Variants in PRKG1 observed in about 807,000 individuals in gnomAD.
The protein encoded by PRKG1 is protein kinase cGMP-dependent 1.
Under a neutral mutation model 88.1 loss-of-function variants are expected in PRKG1, and 35 were observed. The ratio of observed to expected loss-of-function variants is 0.40; its 90% CI spans 0.30 to 0.53. The LOEUF is 0.53. Among genes scored for constraint, PRKG1 ranks in the 20% least tolerant of loss-of-function variants. PRKG1 has a pLI of 0.59. For synonymous variants in PRKG1, 303 were observed against 292.5 expected (o/e 1.04, Z -0.37); for missense variants, 540 against 839.8 (o/e 0.64, Z 4.41).
At chr10:51,306,340 A>G (rs1256730708) in intron 2 of PRKG1, among the ~76,000 whole-genome samples, 1 of 152,162 alleles carries the variant, frequency 6.6e-6, no homozygotes, top group Non-Finnish European at 1.5e-5. Context: ...TTCAAGAGTG[A>G]GATTTGGGCT....
Position 52,257,963 on chromosome 10 carries a change from A to G in PRKG1, c.1173+6297A>G, listed in dbSNP as rs1466931042. Among the ~76,000 whole-genome samples, 2 of 139,496 alleles carry G rather than the reference A, an allele frequency of 1.4e-5. 1 individual carries two copies. The highest frequency in any genetic ancestry group is 3.2e-5 in the Non-Finnish European group (2 of 61,830). The allele number at this position is 139,496 out of a possible 152,430, so 91.5% of individuals were successfully genotyped here. On this transcript the variant is annotated intron_variant, in intron 10 of 17. Coordinates refer to ENST00000373980, the MANE Select transcript of PRKG1 (RefSeq NM_006258.4). Reference sequence around the variant, plus strand: ...GCTTATCTCTACTTTGGTATATGCAAATAAAGTAAGATAAGCATTACTTCA... The same window carrying G: ...GCTTATCTCTACTTTGGTATATGCAGATAAAGTAAGATAAGCATTACTTCA...
chr10:51,259,898 CA>C (rs1321296464), intron 2 of PRKG1, among the ~76,000 whole-genome samples: 13 of 152,168 alleles, frequency 8.5e-5, no homozygotes, highest in Admixed American at 8.5e-4. Flanking sequence ...GCTATGTAGT[CA>C]CCCCTCCTAA....
chr10:51,231,735 C>T (rs1193656108), intron 2 of PRKG1, among the ~76,000 whole-genome samples: 1 of 150,516 alleles, frequency 6.6e-6, no homozygotes, highest in Non-Finnish European at 1.5e-5. Context: ...TTACCTACAA[C>T]ACTTCTAGAT....
chr10:52,008,305 T>G (rs920237801), intron 5 of PRKG1, among the ~76,000 whole-genome samples: 2 of 151,998 alleles, frequency 1.3e-5, no homozygotes, highest in African/African-American at 4.8e-5. Flanking sequence ...AATTGAAACG[T>G]GTAAAACCAC....
intron 3 of PRKG1, among the ~76,000 whole-genome samples, chr10:51,488,730 A>G (rs1840616725): frequency 6.6e-6 from 1 of 152,172 alleles, no homozygotes; most frequent in Non-Finnish European, 1.5e-5. Context: ...CAAACTAGAT[A>G]ATAAAACTAT....
At chr10:51,860,245 G>C (rs1304563000) in intron 4 of PRKG1, among the ~76,000 whole-genome samples, 1 of 152,102 alleles carries the variant, frequency 6.6e-6, no homozygotes, top group African/African-American at 2.4e-5. Flanking sequence ...CAAAGTTTGT[G>C]GCTTAAAGTA....
At position 51,876,389 on chromosome 10, in the gene PRKG1, G is replaced by A. The variant is rs150161299; in HGVS notation, c.699-31118G>A. The stretch of plus-strand genomic sequence containing the variant: ...ACAGAGGTAGCTGCTTAATCTACCT[G>A]TTTATAAAAGAAAAACCCTTGCTGT... On this transcript the variant is annotated intron_variant, in intron 4 of 17. Transcript: ENST00000373980. Among the ~76,000 whole-genome samples the A allele has an allele frequency of 3.9e-5, 6 of 152,304 alleles. No individual in the cohort carries two copies. The East Asian group carries it at 1.2e-3, about 29-fold the overall frequency.
In PRKG1 at chr10:51,347,028, G is replaced by A. The variant is rs913748655; in HGVS notation, c.479-120695G>A. Among the ~76,000 whole-genome samples, 3 of 152,196 alleles carry A rather than the reference G, an allele frequency of 2.0e-5. 1 individual carries two copies. ...ACCTGGGATGCTTCCCTCTCACCTC[G>A]TGGCCTCAGCATCCTGAGTCTGGTT... is the stretch of plus-strand genomic sequence containing the variant. On this transcript the variant is annotated intron_variant, in intron 2 of 17. Coordinates refer to ENST00000373980, the MANE Select transcript of PRKG1 (RefSeq NM_006258.4).
At chr10:52,267,297 G>A (rs982272284) in intron 10 of PRKG1, among the ~76,000 whole-genome samples, 1 of 152,024 alleles carries the variant, frequency 6.6e-6, no homozygotes, top group Non-Finnish European at 1.5e-5. Context: ...GTAATAGTGT[G>A]GTTCAGCCCC....
At chr10:52,212,322 C>T (rs1839999260) in intron 9 of PRKG1, among the ~76,000 whole-genome samples, 1 of 152,104 alleles carries the variant, frequency 6.6e-6, no homozygotes, top group Admixed American at 6.6e-5. Context: ...CTGTTTACAC[C>T]TCATTAGGTT....
At chr10:51,730,953 C>T (rs985511695) in intron 3 of PRKG1, among the ~76,000 whole-genome samples, 4 of 152,078 alleles carry the variant, frequency 2.6e-5, no homozygotes, top group Non-Finnish European at 5.9e-5. Context: ...GTCAGGAGTT[C>T]GAGACTAGCC....
At chr10:51,311,418 T>C (rs552107980) in intron 2 of PRKG1, among the ~76,000 whole-genome samples, 1 of 152,356 alleles carries the variant, frequency 6.6e-6, no homozygotes, top group South Asian at 2.1e-4. Context: ...AGATGGTGTG[T>C]TCAGTTACAT....
chr10:52,114,275 C>G (rs1377410606), intron 7 of PRKG1, among the ~76,000 whole-genome samples: 1 of 151,954 alleles, frequency 6.6e-6, no homozygotes, highest in Non-Finnish European at 1.5e-5. Context: ...AATGTAGGTT[C>G]AAATCTAGAT....
chr10:51,881,487 A>T (rs1046958749), intron 4 of PRKG1, among the ~76,000 whole-genome samples: 2 of 152,120 alleles, frequency 1.3e-5, no homozygotes, highest in African/African-American at 4.8e-5. Context: ...CTTCCACATG[A>T]TCTTTCATAA....
intron 4 of PRKG1, among the ~76,000 whole-genome samples, chr10:51,873,528 C>CTTT (rs10713819): frequency 7.6e-6 from 1 of 131,616 alleles, no homozygotes; most frequent in Non-Finnish European, 1.6e-5. Flanking sequence ...AATAAATAAT[C>CTTT]TTTTTTTTTT....
intron 5 of PRKG1, among the ~76,000 whole-genome samples, chr10:51,966,201 T>TAA (rs1843563493): frequency 1.3e-5 from 2 of 152,336 alleles, no homozygotes; most frequent in East Asian, 3.9e-4. Flanking sequence ...GATTAGCAAA[T>TAA]ACATATTCAT....
intron 3 of PRKG1, among the ~76,000 whole-genome samples, chr10:51,775,654 G>A (rs1343215729): frequency 1.3e-5 from 2 of 151,466 alleles, no homozygotes; most frequent in Non-Finnish European, 1.5e-5. Flanking sequence ...GCATGATCTC[G>A]GCTCACTGTA....
At position 51,543,001 on chromosome 10, in the gene PRKG1, C is replaced by T. The variant is rs538662777; in HGVS notation, c.592+75165C>T. Reference sequence around the variant, plus strand: ...ATGTCAAACCCATAAACAGGAGTGGCGCACCTGGCATTCAAAACTATGTTT... The same window carrying T: ...ATGTCAAACCCATAAACAGGAGTGGTGCACCTGGCATTCAAAACTATGTTT... On this transcript the variant is annotated intron_variant, in intron 3 of 17. Transcript: ENST00000373980. 5.3e-5 allele frequency among the ~76,000 whole-genome samples: 8 copies of T among 152,246 alleles called. No individual in the cohort carries two copies. The East Asian group carries it at 9.7e-4, about 18-fold the overall frequency.
At chr10:51,909,126 G>A (rs1349123074) in intron 5 of PRKG1, 1 of 152,184 alleles carries the variant, frequency 6.6e-6, no homozygotes, top group Non-Finnish European at 1.5e-5. Flanking sequence ...GAAACCCTGA[G>A]GTTTCTGTTG....
Sources: gnomAD v4.1 joint callset for allele counts (sites outside exome capture counted in the v4.1 genomes callset) on GRCh38, gnomAD v4.1.1 for gene constraint, MANE v1.5 for transcripts, NCBI Gene and HGNC (gene_info 2026-07-23, HGNC 2026-07-21) for gene names.